The following PAX5 variants were observed in gnomAD, a reference collection of about 807,000 sequenced individuals.
PAX5 encodes the protein paired box protein Pax-5.
Under a neutral mutation model 43.7 loss-of-function variants are expected in PAX5, and 9 were observed. The ratio of observed to expected loss-of-function variants is 0.21; its 90% CI spans 0.12 to 0.36. PAX5 has a LOEUF of 0.36. Ranked by LOEUF, PAX5 falls within the 10% of genes least tolerant of loss-of-function variation. The probability of loss-of-function intolerance (pLI) is 1.00; values close to 1 mark genes in which losing one functional copy is unlikely to be tolerated. For synonymous variants in PAX5, 228 were observed against 214.3 expected (o/e 1.06, Z -0.56); for missense variants, 383 against 532.7 (o/e 0.72, Z 2.77).
intron 5 of PAX5, among the ~76,000 whole-genome samples, chr9:37,001,056 C>T (rs1001158519): frequency 3.3e-5 from 5 of 152,220 alleles, no homozygotes; most frequent in African/African-American, 7.2e-5. Context: ...AGTCCTCCTC[C>T]GGGCATGATC....
At chr9:36,868,183 C>T (rs765743330) in intron 8 of PAX5, among the ~76,000 whole-genome samples, 1 of 152,258 alleles carries the variant, frequency 6.6e-6, no homozygotes, top group African/African-American at 2.4e-5. Flanking sequence ...GGACTGGGGG[C>T]GTGCCAGTAG....
chr9:37,025,720 G>C (rs1196295780), intron 1 of PAX5, among the ~76,000 whole-genome samples: 2 of 152,378 alleles, frequency 1.3e-5, no homozygotes, highest in East Asian at 3.9e-4. Flanking sequence ...CAGGCAGCCA[G>C]GCCGGCCTTG....
intron 5 of PAX5, among the ~76,000 whole-genome samples, chr9:36,978,385 A>T (rs556429808): frequency 1.1e-3 from 175 of 152,338 alleles, no homozygotes; most frequent in Non-Finnish European, 2.1e-3. Flanking sequence ...TTTAAATGAG[A>T]TCAAAGAATG....
chr9:36,942,138 T>C (rs1556247), intron 6 of PAX5, among the ~76,000 whole-genome samples: 123,761 of 152,202 alleles, frequency 0.81, 50,438 homozygotes, highest in East Asian at 0.88. Context: ...ACCCTCTCCT[T>C]GGCTCAGGGA....
At chr9:36,995,652 T>C (rs556177413) in intron 5 of PAX5, among the ~76,000 whole-genome samples, 2 of 152,292 alleles carry the variant, frequency 1.3e-5, no homozygotes, top group Admixed American at 6.5e-5. Context: ...CTCTAGGTTT[T>C]GGGGGTTTTG....
intron 7 of PAX5, among the ~76,000 whole-genome samples, chr9:36,898,785 T>G (rs1216076733): frequency 6.6e-6 from 1 of 152,122 alleles, no homozygotes. Flanking sequence ...CAGCAGGCTC[T>G]GGGGGCGGCC....
Position 36,840,406 on chromosome 9 carries a change from A to T in PAX5, c.*154T>A. 1 of 753,278 alleles carries T rather than the reference A, an allele frequency of 1.3e-6. No individual in the cohort carries two copies. 46.7% of individuals were successfully genotyped at this position (753,278 alleles called of 1,614,324 possible). A position where few individuals can be genotyped will look rare whatever the true frequency, so the allele number is the denominator to read the frequency against. On this transcript the variant is annotated 3_prime_UTR_variant, in exon 10 of 10. Coordinates refer to ENST00000358127, the MANE Select transcript of PAX5 (RefSeq NM_016734.3). ...CAACGGCCCCACCAAAGGGCCCCAG[A>T]GTCCCTGGAGGAAGAGAGGAAGAGG...
At chr9:36,887,917 T>C (rs941102606) in intron 7 of PAX5, among the ~76,000 whole-genome samples, 2 of 143,046 alleles carry the variant, frequency 1.4e-5, no homozygotes, top group African/African-American at 5.2e-5. Context: ...AAAGAACTCT[T>C]GCAGCTCAAT....
intron 6 of PAX5, among the ~76,000 whole-genome samples, chr9:36,927,769 C>T (rs1369369389): frequency 1.3e-5 from 2 of 150,776 alleles, no homozygotes; most frequent in Non-Finnish European, 2.9e-5. Flanking sequence ...TGTGCAGTGG[C>T]ACGATCTTGG....
chr9:37,002,648 C>A lies in PAX5; in HGVS notation c.604G>T (p.Gly202Cys). Residue 202 changes from glycine (G) to cysteine (C), a missense_variant and splice_region_variant, in exon 5 of 10, where the codon GGT (glycine) becomes TGT (cysteine). By Grantham distance (159) the Gly-to-Cys change is radical (BLOSUM62 -3). Coordinates refer to ENST00000358127, the MANE Select transcript of PAX5 (RefSeq NM_016734.3). ...ACGGGGCTGCGCGGGCCTCTCTTAC[C>A]TTCGTCTCTCTTGCGCTTGTTGGTG... ...ADTNKRKRDE[G>C]IQESPVPNGH... 1 of 1,611,030 alleles carries A rather than the reference C, an allele frequency of 6.2e-7. No individual in the cohort carries two copies.
intron 7 of PAX5, among the ~76,000 whole-genome samples, chr9:36,883,881 A>C (rs1053187876): frequency 2.6e-5 from 4 of 152,248 alleles, no homozygotes; most frequent in Admixed American, 6.5e-5. Flanking sequence ...GAATGAATGT[A>C]GAAATCTCAA....
At chr9:36,931,361 C>T (rs1237545113) in intron 6 of PAX5, among the ~76,000 whole-genome samples, 1 of 152,198 alleles carries the variant, frequency 6.6e-6, no homozygotes, top group African/African-American at 2.4e-5. Context: ...AGTCTCCTTC[C>T]ACTGCTGATG....
At chr9:37,000,214 C>T (rs1837730210) in intron 5 of PAX5, among the ~76,000 whole-genome samples, 1 of 152,178 alleles carries the variant, frequency 6.6e-6, no homozygotes, top group Non-Finnish European at 1.5e-5. Context: ...ACAGACACTT[C>T]CCTGGTGTGA....
At chr9:36,972,554 T>TGATC (rs1459098085) in intron 5 of PAX5, among the ~76,000 whole-genome samples, 1 of 152,216 alleles carries the variant, frequency 6.6e-6, no homozygotes, top group Non-Finnish European at 1.5e-5. Context: ...TCCCTGGCTA[T>TGATC]GATCCATCCC....
intron 3 of PAX5, 74 bp from the exon 4 acceptor site, chr9:37,006,611 A>G: frequency 1.6e-6 from 2 of 1,216,988 alleles, no homozygotes; most frequent in Non-Finnish European, 2.4e-6. Context: ...CTATGCACAG[A>G]CAACCAGAAA....
intron 1 of PAX5, among the ~76,000 whole-genome samples, chr9:37,025,866 G>A (rs1253897852): frequency 6.6e-6 from 1 of 152,110 alleles, no homozygotes; most frequent in Non-Finnish European, 1.5e-5. Context: ...TTAAAGGGGA[G>A]AAGCCATGAG....
intron 7 of PAX5, among the ~76,000 whole-genome samples, chr9:36,914,800 C>T (rs1455420825): frequency 3.7e-5 from 5 of 134,318 alleles, no homozygotes; most frequent in African/African-American, 1.4e-4. Context: ...GCTCTCCCAC[C>T]GGATCTTCAC....
rs1367684567 is a variant in PAX5 at position 37,026,746 on chromosome 9, C to T, written c.47-5945G>A. On this transcript the variant is annotated intron_variant, in intron 1 of 9. Transcript: ENST00000358127. ...CAGAGCCTCCCTGCTGGAGACCGCCCGGAGCTGCGCGGAGAGGCGGGAAAT... is the reference window on the plus strand; with the variant it reads ...CAGAGCCTCCCTGCTGGAGACCGCCTGGAGCTGCGCGGAGAGGCGGGAAAT... 3 of 983,948 alleles carry T rather than the reference C, an allele frequency of 3.0e-6. No individual in the cohort carries two copies. In the African/African-American group the frequency reaches 5.2e-5, roughly 17 times the overall value. The allele number at this position is 983,948 out of a possible 1,614,324, so 61.0% of individuals were successfully genotyped here. A position where few individuals can be genotyped will look rare whatever the true frequency, so the allele number is the denominator to read the frequency against.
At position 36,833,672 on chromosome 9, in the gene PAX5, A is replaced by G; in HGVS notation, c.*6888T>C. ...TAATTACATTCAAATATTATTACAC[A>G]CAAAAGCAACACACGTCACTAAGAA... On this transcript the variant is annotated 3_prime_UTR_variant, in exon 10 of 10. Coordinates refer to ENST00000358127, the MANE Select transcript of PAX5 (RefSeq NM_016734.3). The G allele has an allele frequency of 4.3e-6, 1 of 233,160 alleles. No homozygotes were observed. The highest frequency in any genetic ancestry group is 8.5e-6 in the Non-Finnish European group (1 of 118,030). The allele number at this position is 233,160 out of a possible 1,614,324, so 14.4% of individuals were successfully genotyped here.
Sources: allele counts gnomAD v4.1 joint callset (sites outside exome capture counted in the v4.1 genomes callset), GRCh38; gene constraint gnomAD v4.1.1; transcripts MANE v1.5; gene names NCBI Gene and HGNC (gene_info 2026-07-23, HGNC 2026-07-21).